POFUT3: variants seen among roughly 807,000 people sequenced by gnomAD.
The protein encoded by POFUT3 is protein O-fucosyltransferase 3, also known as GDP-fucose protein O-fucosyltransferase 3.
chr8:33,351,296 C>T, the POFUT3 span, among the ~76,000 whole-genome samples: 19 of 152,214 alleles, frequency 1.2e-4, no homozygotes, highest in South Asian at 2.1e-4. Flanking sequence ...CATAAGTGTA[C>T]GCTATAGTTT....
At chr8:33,376,528 G>A in the POFUT3 span, among the ~76,000 whole-genome samples, 2 of 152,266 alleles carry the variant, frequency 1.3e-5, no homozygotes, top group African/African-American at 4.8e-5. Context: ...AACTTGTTTG[G>A]TAAAATGTGA....
chr8:33,336,201 T>C, the POFUT3 span, among the ~76,000 whole-genome samples: 3 of 152,230 alleles, frequency 2.0e-5, no homozygotes, highest in African/African-American at 7.2e-5. Context: ...CTGCCCTGCT[T>C]TGTAGCATTT....
the POFUT3 span, among the ~76,000 whole-genome samples, chr8:33,326,814 G>A: frequency 6.6e-6 from 1 of 152,140 alleles, no homozygotes; most frequent in South Asian, 2.1e-4. Flanking sequence ...GTCTCCCTCT[G>A]TGACCCAGGG....
the POFUT3 span, among the ~76,000 whole-genome samples, chr8:33,470,707 T>C: frequency 0.05 from 7,626 of 152,094 alleles, 323 homozygotes; most frequent in African/African-American, 0.11. Flanking sequence ...AAAAAACAAA[T>C]AAAATCCCTG....
At chr8:33,354,485 G>A in the POFUT3 span, among the ~76,000 whole-genome samples, 1 of 152,208 alleles carries the variant, frequency 6.6e-6, no homozygotes, top group Non-Finnish European at 1.5e-5. Flanking sequence ...GAAGATGGAT[G>A]TTCCAGCTCA....
the POFUT3 span, among the ~76,000 whole-genome samples, chr8:33,399,973 A>T: frequency 6.6e-6 from 1 of 151,976 alleles, no homozygotes; most frequent in Non-Finnish European, 1.5e-5. Flanking sequence ...TAATCTGAGA[A>T]GATACCCATT....
chr8:33,451,125 C>T, the POFUT3 span, among the ~76,000 whole-genome samples: 1 of 150,168 alleles, frequency 6.7e-6, no homozygotes, highest in African/African-American at 2.4e-5. Flanking sequence ...GATTGAGTAT[C>T]TCTTAACAGA....
the POFUT3 span, chr8:33,389,316 C>A: frequency 6.2e-7 from 1 of 1,614,098 alleles, no homozygotes; most frequent in South Asian, 1.1e-5. Context: ...GTGATGTAGT[C>A]ATCACAAACT....
chr8:33,421,554 T>C, the POFUT3 span, among the ~76,000 whole-genome samples: 1 of 152,052 alleles, frequency 6.6e-6, no homozygotes, highest in African/African-American at 2.4e-5. Flanking sequence ...GAAATGTGTC[T>C]GAGTTCTAAA....
the POFUT3 span, among the ~76,000 whole-genome samples, chr8:33,461,187 AAGGAAGGGAGGG>A: frequency 6.1e-5 from 7 of 114,264 alleles, no homozygotes; most frequent in East Asian, 6.3e-4. Flanking sequence ...GGAAGGAAGG[AAGGAAGGGAGGG>A]AGGGAGGGAG....
the POFUT3 span, among the ~76,000 whole-genome samples, chr8:33,343,159 A>G: frequency 2.0e-5 from 3 of 151,920 alleles, no homozygotes; most frequent in African/African-American, 7.2e-5. Context: ...GCAAAAACCT[A>G]TATCAAGTTT....
the POFUT3 span, among the ~76,000 whole-genome samples, chr8:33,418,393 G>A: frequency 6.8e-6 from 1 of 146,574 alleles, no homozygotes; most frequent in African/African-American, 2.5e-5. Flanking sequence ...TGGTGATGAT[G>A]TGGGAAAAAA....
At chr8:33,436,412 T>C in the POFUT3 span, 2 of 1,431,060 alleles carry the variant, frequency 1.4e-6, no homozygotes, top group Non-Finnish European at 2.0e-6. Context: ...TCCTCAAACT[T>C]GGCTGGAAGC....
chr8:33,320,025 G>C, the POFUT3 span, among the ~76,000 whole-genome samples: 6 of 151,414 alleles, frequency 4.0e-5, no homozygotes, highest in African/African-American at 1.5e-4. Context: ...TCTGCTTATA[G>C]CTTTGTGTTT....
chr8:33,441,445 A>G, the POFUT3 span, among the ~76,000 whole-genome samples: 1 of 147,388 alleles, frequency 6.8e-6, no homozygotes, highest in African/African-American at 2.5e-5. Context: ...CAATGGTACA[A>G]TCTTGGCTCA....
the POFUT3 span, among the ~76,000 whole-genome samples, chr8:33,375,888 G>C: frequency 1.3e-5 from 2 of 151,854 alleles, no homozygotes; most frequent in Non-Finnish European, 2.9e-5. Context: ...GTGGTGGCGC[G>C]TGCCTGTAAT....
chr8:33,420,983 TAGA>T, the POFUT3 span, among the ~76,000 whole-genome samples: 1 of 151,816 alleles, frequency 6.6e-6, no homozygotes, highest in Non-Finnish European at 1.5e-5. Context: ...TCATATTAAA[TAGA>T]AATACAAATG....
At chr8:33,447,215 C>T in the POFUT3 span, among the ~76,000 whole-genome samples, 1 of 152,022 alleles carries the variant, frequency 6.6e-6, no homozygotes, top group Admixed American at 6.6e-5. Context: ...TTTGGGAGGC[C>T]GAGGTGGGAG....
At chr8:33,320,905 G>C in the POFUT3 span, among the ~76,000 whole-genome samples, 1 of 152,064 alleles carries the variant, frequency 6.6e-6, no homozygotes, top group East Asian at 1.9e-4. Flanking sequence ...GTAAGTCACA[G>C]GATGAGTCCA....
Sources: gnomAD v4.1 joint callset for allele counts (sites outside exome capture counted in the v4.1 genomes callset) on GRCh38, gnomAD v4.1.1 for gene constraint, MANE v1.5 for transcripts, NCBI Gene and HGNC (gene_info 2026-07-23, HGNC 2026-07-21) for gene names.